Variants in RHOBTB2 observed in about 807,000 individuals in gnomAD.
The protein encoded by RHOBTB2 is rho-related BTB domain-containing protein 2.
A neutral mutation model predicts 66.5 loss-of-function variants in RHOBTB2; 39 were observed. The ratio of observed to expected loss-of-function variants is 0.59; its 90% CI spans 0.45 to 0.77. The LOEUF (loss-of-function observed/expected upper bound fraction) is 0.77. Ranked by LOEUF, RHOBTB2 falls within the 30% of genes least tolerant of loss-of-function variation. The pLI is 0.00. For synonymous variants in RHOBTB2, 390 were observed against 395.0 expected, an observed-to-expected ratio of 0.99 and a Z score of 0.15; for missense variants, 755 against 999.1, an observed-to-expected ratio of 0.76 and a Z score of 3.29.
intron 7 of RHOBTB2, 121 bp downstream of exon 7, chr8:23,010,809 C>A (rs1402427490): frequency 1.8e-6 from 2 of 1,088,782 alleles, no homozygotes; most frequent in African/African-American, 3.1e-5. Context: ...ACTAAGCGTA[C>A]ATGAAATGGA....
chr8:22,986,709 G>T (rs1417554643), upstream of RHOBTB2, among the ~76,000 whole-genome samples: 1 of 152,098 alleles, frequency 6.6e-6, no homozygotes, highest in African/African-American at 2.4e-5. Flanking sequence ...CAGTATAAAG[G>T]TCCTTAGCAT....
Position 23,014,786 on chromosome 8 carries a change from G to C in RHOBTB2, c.1860+8G>C, listed in dbSNP as rs1185961430. 6 of 1,608,006 alleles carry C rather than the reference G, an allele frequency of 3.7e-6. No individual in the cohort carries two copies. The highest frequency in any genetic ancestry group is 4.3e-6 in the Non-Finnish European group (5 of 1,174,804). On this transcript the variant is annotated splice_region_variant and intron_variant, in intron 8 of 9. Transcript: ENST00000251822. The stretch of plus-strand genomic sequence containing the variant: ...TTCCTGGAACTGGCTCAGGTATCAT[G>C]GCAGGGGAGGGAATCTACAACAGTC...
At chr8:22,979,438 A>T in the RHOBTB2 span, among the ~76,000 whole-genome samples, 11 of 151,802 alleles carry the variant, frequency 7.2e-5, no homozygotes, top group Non-Finnish European at 1.6e-4. Flanking sequence ...TTGTGTATGA[A>T]TTTTTTTTGG....
chr8:23,019,503 A>T lies in RHOBTB2; in HGVS notation c.*2034A>T, dbSNP rs935510417. 2 of 152,518 alleles carry T rather than the reference A, an allele frequency of 1.3e-5. No individual in the cohort carries two copies. Among genetic ancestry groups the T allele is most frequent in the African/African-American group, 4.8e-5 (2 of 41,438 alleles). The allele number at this position is 152,518 out of a possible 1,614,324, so 9.4% of individuals were successfully genotyped here. A position where few individuals can be genotyped will look rare whatever the true frequency, so the allele number is the denominator to read the frequency against. On this transcript the variant is annotated 3_prime_UTR_variant, in exon 10 of 10. Transcript: ENST00000251822. ...GCAGGGCTGGGGGGACGAAGGGGGA[A>T]CCCGGAGCACCTCCACTTCTAGGGA... is the stretch of plus-strand genomic sequence containing the variant.
the RHOBTB2 span, among the ~76,000 whole-genome samples, chr8:22,951,247 T>A: frequency 1.0e-5 from 1 of 95,462 alleles, no homozygotes; most frequent in African/African-American, 4.7e-5. Context: ...CTTAGCTCTT[T>A]TTTTTTTTTT....
chr8:22,986,315 G>C (rs542951309), upstream of RHOBTB2, among the ~76,000 whole-genome samples: 1 of 121,558 alleles, frequency 8.2e-6, no homozygotes, highest in African/African-American at 3.2e-5. Flanking sequence ...CACTCTTTTC[G>C]CCCAGGTGTG....
chr8:22,964,649 T>C, the RHOBTB2 span, among the ~76,000 whole-genome samples: 1 of 151,992 alleles, frequency 6.6e-6, no homozygotes, highest in African/African-American at 2.4e-5. Flanking sequence ...CATACAATCG[T>C]GTATGGTCAG....
chr8:23,001,268 G>A (rs1003211433), intron 1 of RHOBTB2, among the ~76,000 whole-genome samples: 1 of 152,100 alleles, frequency 6.6e-6, no homozygotes, highest in Non-Finnish European at 1.5e-5. Context: ...GTGGGGATGA[G>A]GCAATTGTGA....
the RHOBTB2 span, among the ~76,000 whole-genome samples, chr8:22,958,132 G>C: frequency 3.3e-5 from 5 of 152,250 alleles, no homozygotes; most frequent in East Asian, 9.6e-4. Context: ...TGCTGAAACA[G>C]TTGTGATGGA....
chr8:22,974,228 C>G, the RHOBTB2 span, among the ~76,000 whole-genome samples: 1 of 152,156 alleles, frequency 6.6e-6, no homozygotes, highest in Non-Finnish European at 1.5e-5. Context: ...GACATCTGGC[C>G]CCGATTTCCA....
rs1811383292 is a variant in RHOBTB2, at chr8:23,018,800, C to T, written c.*1331C>T. On this transcript the variant is annotated 3_prime_UTR_variant, in exon 10 of 10. Transcript: ENST00000251822. ...GGGCCAAAAGTCAGGGAAAGGGGCA[C>T]TGACCTGTAGTGAAAGGCCACAGGA... is the stretch of plus-strand genomic sequence containing the variant. 1 of 152,670 alleles carries T rather than the reference C, an allele frequency of 6.6e-6. No homozygotes were observed. The allele number at this position is 152,670 out of a possible 1,614,324, so 9.5% of individuals were successfully genotyped here.
intron 1 of RHOBTB2, among the ~76,000 whole-genome samples, chr8:23,000,383 G>A (rs1810736462): frequency 6.6e-6 from 1 of 152,216 alleles, no homozygotes; most frequent in South Asian, 2.1e-4. Flanking sequence ...TGTGTGCAGA[G>A]TAGCGTGTCA....
intron 1 of RHOBTB2, among the ~76,000 whole-genome samples, chr8:22,988,220 C>T (rs899469466): frequency 2.6e-4 from 37 of 141,508 alleles, no homozygotes; most frequent in Non-Finnish European, 4.2e-4. Context: ...AGTGCAATGG[C>T]GCAATCTCGG....
At chr8:22,971,378 T>A in the RHOBTB2 span, among the ~76,000 whole-genome samples, 2 of 150,600 alleles carry the variant, frequency 1.3e-5, no homozygotes, top group African/African-American at 4.9e-5. Flanking sequence ...AGAGGTGAGG[T>A]CTTGCTATGT....
chr8:22,955,534 C>A, the RHOBTB2 span, among the ~76,000 whole-genome samples: 5 of 149,202 alleles, frequency 3.4e-5, no homozygotes, highest in African/African-American at 9.9e-5. Context: ...AAACCAGGAT[C>A]TCATCCATCC....
upstream of RHOBTB2, among the ~76,000 whole-genome samples, chr8:22,983,861 A>G (rs560443333): frequency 6.6e-6 from 1 of 152,006 alleles, no homozygotes; most frequent in Non-Finnish European, 1.5e-5. Flanking sequence ...CAGCCTCCCG[A>G]GTAGCTGGGA....
At chr8:22,999,461 T>A (rs1193785344), upstream of RHOBTB2, 4 of 711,544 alleles carry the variant, frequency 5.6e-6, no homozygotes, top group Non-Finnish European at 7.1e-6. Flanking sequence ...CGAGGCGGGA[T>A]CTGCGGGGCG....
the RHOBTB2 span, among the ~76,000 whole-genome samples, chr8:22,954,424 G>A: frequency 6.6e-5 from 10 of 152,154 alleles, no homozygotes; most frequent in African/African-American, 2.2e-4. Flanking sequence ...TTGTAAAATA[G>A]CTTAATTCAA....
At position 23,017,435 on chromosome 8, in the gene RHOBTB2, C is replaced by G; in HGVS notation, c.2150C>G (p.Ser717Cys). Residue 717 changes from serine to cysteine, a missense_variant, in exon 10 of 10, where the codon TCC becomes TGC. Ser to Cys is a moderately radical substitution (Grantham distance 112). Coordinates refer to ENST00000251822, the MANE Select transcript of RHOBTB2 (RefSeq NM_015178.3). The surrounding 1 kb of genome is among the most constrained non-coding windows in gnomAD (Gnocchi z 5.3). ...TCCCCGTCTTCCTCGGCAGCCTCCTCCTCATCCCCATCTTCCTCCTCGGCT... is the reference window on the plus strand; with the variant it reads ...TCCCCGTCTTCCTCGGCAGCCTCCTGCTCATCCCCATCTTCCTCCTCGGCT... ...PSSPSSSAASSSSPSSSSAVV is the reference protein window; with the variant it reads ...PSSPSSSAASCSSPSSSSAVV 1 of 1,606,138 alleles carries G rather than the reference C, an allele frequency of 6.2e-7. No individual in the cohort carries two copies. Among genetic ancestry groups the G allele is most frequent in the Non-Finnish European group, 8.5e-7 (1 of 1,176,230 alleles).
Sources: gnomAD v4.1 joint callset for allele counts (sites outside exome capture counted in the v4.1 genomes callset) on GRCh38, gnomAD v4.1.1 for gene constraint, Gnocchi (gnomAD v3.1) non-coding constraint, MANE v1.5 for transcripts, NCBI Gene and HGNC (gene_info 2026-07-23, HGNC 2026-07-21) for gene names.